The following ZBTB7C variants were observed in gnomAD, a reference collection of about 807,000 sequenced individuals.
The protein encoded by ZBTB7C is zinc finger and BTB domain-containing protein 7C.
In ZBTB7C, 8 loss-of-function variants were observed where a neutral mutation model predicts 25.7. The ratio of observed to expected loss-of-function variants is 0.31; its 90% confidence interval spans 0.18 to 0.56. The LOEUF is 0.56. Ranked by LOEUF, ZBTB7C falls within the 20% of genes least tolerant of loss-of-function variation. ZBTB7C has a pLI of 0.91. For missense variants in ZBTB7C, 824 were observed against 855.2 expected (o/e 0.96, Z 0.46); for synonymous variants, 394 against 369.0 (o/e 1.07, Z -0.78).
At chr18:48,401,775 C>T (rs1457733696) in intron 1 of ZBTB7C, among the ~76,000 whole-genome samples, 6 of 152,158 alleles carry the variant, frequency 3.9e-5, no homozygotes, top group East Asian at 3.9e-4. Context: ...GCCACCCTCC[C>T]GCCTGGGTCC....
intron 2 of ZBTB7C, among the ~76,000 whole-genome samples, chr18:48,280,879 A>G (rs1246318715): frequency 8.1e-5 from 9 of 111,774 alleles, no homozygotes; most frequent in African/African-American, 3.2e-4. Context: ...TTTGAGACAG[A>G]GTCTTGTTCT....
chr18:48,211,406 C>T (rs1021744002), intron 2 of ZBTB7C, among the ~76,000 whole-genome samples: 1 of 151,996 alleles, frequency 6.6e-6, no homozygotes, highest in Admixed American at 6.5e-5. Context: ...GAAGACAAGC[C>T]ATAGAGTAGG....
intron 2 of ZBTB7C, among the ~76,000 whole-genome samples, chr18:48,270,103 T>A (rs2044430681): frequency 6.6e-6 from 1 of 151,892 alleles, no homozygotes. Flanking sequence ...GGAATAAATA[T>A]AAATCAGTTA....
chr18:48,213,397 A>G (rs935687986), intron 2 of ZBTB7C, among the ~76,000 whole-genome samples: 2 of 152,012 alleles, frequency 1.3e-5, no homozygotes, highest in African/African-American at 4.8e-5. Context: ...TGATGTTTTC[A>G]TAATTACAAC....
intron 3 of ZBTB7C, among the ~76,000 whole-genome samples, chr18:48,060,748 C>A (rs987612253): frequency 6.6e-6 from 1 of 152,200 alleles, no homozygotes; most frequent in African/African-American, 2.4e-5. Flanking sequence ...CTCTCCTAGT[C>A]CTCACCACAT....
At chr18:48,236,731 C>T (rs2145374039) in intron 2 of ZBTB7C, among the ~76,000 whole-genome samples, 1 of 152,250 alleles carries the variant, frequency 6.6e-6, no homozygotes, top group South Asian at 2.1e-4. Flanking sequence ...TGAGATCAGA[C>T]TATAAAGGTG....
intron 1 of ZBTB7C, among the ~76,000 whole-genome samples, chr18:48,378,569 G>A (rs1176571633): frequency 1.3e-5 from 2 of 152,068 alleles, no homozygotes; most frequent in African/African-American, 2.4e-5. Context: ...ACCTGCACTC[G>A]GAGATTTTTA....
chr18:48,181,974 G>A (rs994451565), intron 3 of ZBTB7C, among the ~76,000 whole-genome samples: 12 of 152,070 alleles, frequency 7.9e-5, no homozygotes, highest in South Asian at 2.1e-4. Context: ...ACCAGACATC[G>A]TATAATCCAA....
chr18:48,052,673 C>T (rs1409761935), intron 3 of ZBTB7C, among the ~76,000 whole-genome samples: 1 of 152,178 alleles, frequency 6.6e-6, no homozygotes, highest in Non-Finnish European at 1.5e-5. Context: ...AGTCAGCAGA[C>T]AGCAGGCCAA....
intron 2 of ZBTB7C, among the ~76,000 whole-genome samples, chr18:48,209,466 C>A (rs545518393): frequency 7.5e-4 from 114 of 152,212 alleles, no homozygotes; most frequent in African/African-American, 2.6e-3. Context: ...TTTTAAAATG[C>A]GAGTCACTGG....
chr18:48,160,344 G>T (rs2040967833), intron 3 of ZBTB7C, among the ~76,000 whole-genome samples: 1 of 152,208 alleles, frequency 6.6e-6, no homozygotes, highest in Non-Finnish European at 1.5e-5. Flanking sequence ...GTGCCACATA[G>T]GTGCTATGCT....
chr18:48,306,966 C>T (rs570040448), intron 2 of ZBTB7C, among the ~76,000 whole-genome samples: 4 of 152,242 alleles, frequency 2.6e-5, no homozygotes, highest in African/African-American at 9.6e-5. Context: ...CGGCAAGAGA[C>T]GATCTGCCAA....
intron 2 of ZBTB7C, among the ~76,000 whole-genome samples, chr18:48,260,143 G>C (rs2044130719): frequency 6.6e-6 from 1 of 152,142 alleles, no homozygotes; most frequent in Non-Finnish European, 1.5e-5. Flanking sequence ...AACAACCATG[G>C]AATACTGCTC....
intron 2 of ZBTB7C, among the ~76,000 whole-genome samples, chr18:48,219,225 G>T (rs1309476478): frequency 6.6e-6 from 1 of 152,120 alleles, no homozygotes; most frequent in South Asian, 2.1e-4. Flanking sequence ...TCACTCCCGA[G>T]CTGCAGTGTC....
At chr18:48,102,127 A>G (rs2038853648) in intron 3 of ZBTB7C, among the ~76,000 whole-genome samples, 1 of 152,198 alleles carries the variant, frequency 6.6e-6, no homozygotes, top group Non-Finnish European at 1.5e-5. Flanking sequence ...ATCAGCTGCT[A>G]ATTCTAAAAA....
chr18:48,332,634 T>C (rs2046364789), intron 2 of ZBTB7C, among the ~76,000 whole-genome samples: 2 of 151,568 alleles, frequency 1.3e-5, no homozygotes, highest in African/African-American at 4.8e-5. Flanking sequence ...GTTTACCCTT[T>C]CCTAGTCTGT....
intron 3 of ZBTB7C, chr18:48,149,224 GC>G (rs2040598277): frequency 6.6e-6 from 1 of 152,300 alleles, no homozygotes; most frequent in African/African-American, 2.4e-5. Flanking sequence ...ATGCATGCAT[GC>G]TCATGTGGTT....
In ZBTB7C at chr18:48,049,790, G is replaced by C. The variant is rs574302036; in HGVS notation, c.-16-8667C>G. Among the ~76,000 whole-genome samples the C allele has an allele frequency of 3.9e-5, 6 of 152,178 alleles. No homozygotes were observed. In the South Asian group the frequency reaches 1.2e-3, roughly 32 times the overall value. ...CCTGCCCTTCAAGAATAGAACTGTT[G>C]GTGCAATTCTATTGCTATGATCCAC... is the stretch of plus-strand genomic sequence containing the variant. On this transcript the variant is annotated intron_variant, in intron 3 of 4. Coordinates refer to ENST00000590800, the MANE Select transcript of ZBTB7C (RefSeq NM_001318841.2).
chr18:48,198,435 G>A (rs1439958222), intron 2 of ZBTB7C, among the ~76,000 whole-genome samples: 1 of 152,182 alleles, frequency 6.6e-6, no homozygotes, highest in Non-Finnish European at 1.5e-5. Flanking sequence ...TCTGGAAGTC[G>A]GCAGTTGGGA....
Sources: allele counts gnomAD v4.1 joint callset (sites outside exome capture counted in the v4.1 genomes callset), GRCh38; gene constraint gnomAD v4.1.1; transcripts MANE v1.5; gene names NCBI Gene and HGNC (gene_info 2026-07-23, HGNC 2026-07-21).